The following TTLL7 variants were observed in gnomAD, a reference collection of about 807,000 sequenced individuals.
TTLL7 encodes the protein tubulin polyglutamylase TTLL7.
In TTLL7, 53 loss-of-function variants were observed where a neutral mutation model predicts 120.2. That is an observed-to-expected ratio of 0.44 (90% confidence interval 0.35 to 0.55). The LOEUF is 0.55. Ranked by LOEUF, TTLL7 falls within the 20% of genes least tolerant of loss-of-function variation. TTLL7 has a pLI of 0.00. For synonymous variants in TTLL7, 353 were observed against 351.7 expected (o/e 1.00, Z -0.04); for missense variants, 803 against 1,054.7 (o/e 0.76, Z 3.31).
intron 13 of TTLL7, 59 bp downstream of exon 13, chr1:83,919,640 G>A: frequency 6.8e-7 from 1 of 1,470,296 alleles, no homozygotes; most frequent in Non-Finnish European, 9.1e-7. Context: ...TGGCTTGTCT[G>A]TAAAGACATA....
chr1:83,938,891 A>T (rs966695973), intron 7 of TTLL7, among the ~76,000 whole-genome samples: 3 of 152,118 alleles, frequency 2.0e-5, no homozygotes, highest in African/African-American at 7.2e-5. Context: ...CATTATTATT[A>T]TTTTGATTTG....
chr1:83,945,522 A>G (rs1648402855), intron 6 of TTLL7, among the ~76,000 whole-genome samples: 2 of 152,340 alleles, frequency 1.3e-5, no homozygotes, highest in African/African-American at 2.4e-5. Context: ...GGGTTCTTCA[A>G]TAGTCCACTT....
In TTLL7 at chr1:83,911,341, C is replaced by T. The variant is rs1473097136; in HGVS notation, c.1610G>A (p.Ser537Asn). 1 of 1,612,960 alleles carries T rather than the reference C, an allele frequency of 6.2e-7. No individual in the cohort carries two copies. Among genetic ancestry groups the T allele is most frequent in the Admixed American group, 1.7e-5 (1 of 59,922 alleles). Residue 537 changes from serine to asparagine, a missense_variant, in exon 15 of 21, where the codon AGT (serine) becomes AAT (asparagine). Around this residue, in one of 3 missense-constraint regions of TTLL7, gnomAD observed 388 missense variants for 450.4 expected, o/e 0.86. Coordinates refer to ENST00000260505, the MANE Select transcript of TTLL7 (RefSeq NM_024686.6). Reference sequence around the variant, plus strand: ...CTTTGGTCTTTTCATTATCTCAGTACTCTCAGGCATAGAACACAGAGGCTA... The same window carrying T: ...CTTTGGTCTTTTCATTATCTCAGTATTCTCAGGCATAGAACACAGAGGCTA... Reference protein sequence around the residue: ...GPKPLCSMPESTEIMKRPKYC... With the variant: ...GPKPLCSMPENTEIMKRPKYC...
intron 5 of TTLL7, 153 bp from the exon 6 acceptor site, chr1:83,947,435 T>G: frequency 3.0e-6 from 2 of 669,730 alleles, no homozygotes; most frequent in Non-Finnish European, 4.8e-6. Context: ...AAATGTCTAC[T>G]GAGCACCTAT....
chr1:83,912,773 G>C (rs1409938113), intron 14 of TTLL7, among the ~76,000 whole-genome samples: 5 of 152,148 alleles, frequency 3.3e-5, no homozygotes, highest in African/African-American at 1.2e-4. Flanking sequence ...GTGTTTAAAA[G>C]CATGTGCTCC....
At chr1:83,951,117 A>G (rs1459369049) in intron 3 of TTLL7, among the ~76,000 whole-genome samples, 1 of 152,164 alleles carries the variant, frequency 6.6e-6, no homozygotes, top group African/African-American at 2.4e-5. Context: ...TGGGAGTCCA[A>G]GGTGGGCGGA....
At chr1:83,986,005 T>A (rs1052173684) in intron 1 of TTLL7, among the ~76,000 whole-genome samples, 1 of 152,224 alleles carries the variant, frequency 6.6e-6, no homozygotes, top group South Asian at 2.1e-4. Flanking sequence ...ATTAACACCA[T>A]TTTTAAACAA....
chr1:83,945,470 A>G (rs763104910), intron 6 of TTLL7, among the ~76,000 whole-genome samples: 2 of 152,242 alleles, frequency 1.3e-5, no homozygotes, highest in African/African-American at 4.8e-5. Flanking sequence ...TGAAGCAAAC[A>G]CTGGTAGAAT....
At chr1:83,907,302 G>A in intron 16 of TTLL7, 154 bp downstream of exon 16, 1 of 589,552 alleles carries the variant, frequency 1.7e-6, no homozygotes. Context: ...ATACTAAATT[G>A]TAGGCTAAGG....
At chr1:83,977,294 A>G (rs1254591834) in intron 1 of TTLL7, among the ~76,000 whole-genome samples, 3 of 152,100 alleles carry the variant, frequency 2.0e-5, no homozygotes, top group Non-Finnish European at 2.9e-5. Context: ...AATGAGAATT[A>G]AACTTTGGAG....
At chr1:83,893,066 T>A (rs577047960) in intron 18 of TTLL7, among the ~76,000 whole-genome samples, 1 of 151,008 alleles carries the variant, frequency 6.6e-6, no homozygotes, top group Non-Finnish European at 1.5e-5. Context: ...ACCTGGGAAA[T>A]GGGGAGCCAG....
At chr1:83,959,534 C>A (rs1424686369) in intron 1 of TTLL7, among the ~76,000 whole-genome samples, 2 of 152,184 alleles carry the variant, frequency 1.3e-5, no homozygotes, top group Non-Finnish European at 2.9e-5. Context: ...CTACTGCCAA[C>A]AGCTCTGGTA....
intron 19 of TTLL7, among the ~76,000 whole-genome samples, chr1:83,884,154 G>GAA (rs1654766825): frequency 6.7e-6 from 1 of 149,562 alleles, no homozygotes; most frequent in Non-Finnish European, 1.5e-5. Context: ...GAGAGAGAGA[G>GAA]AGGGAGAGAG....
At chr1:83,873,220 A>G (rs1653602901) in intron 20 of TTLL7, among the ~76,000 whole-genome samples, 1 of 152,216 alleles carries the variant, frequency 6.6e-6, no homozygotes, top group Non-Finnish European at 1.5e-5. Flanking sequence ...TGAACTAAAA[A>G]AAGCATATAA....
chr1:83,906,224 T>G, intron 17 of TTLL7, 105 bp downstream of exon 17: 1 of 953,774 alleles, frequency 1.0e-6, no homozygotes, highest in Non-Finnish European at 1.6e-6. Flanking sequence ...TCAATTAAAT[T>G]TACTATGTCA....
At chr1:83,905,344 A>G (rs1657093240) in intron 17 of TTLL7, among the ~76,000 whole-genome samples, 1 of 151,728 alleles carries the variant, frequency 6.6e-6, no homozygotes, top group African/African-American at 2.4e-5. Context: ...CATAATATAA[A>G]TTCTAGTTAT....
chr1:83,907,733 ATAAAC>A (rs1218960126), intron 15 of TTLL7, 72 bp from the exon 16 acceptor site: 6 of 1,381,572 alleles, frequency 4.3e-6, no homozygotes, highest in Admixed American at 2.0e-5. Flanking sequence ...TGAAGTCTAT[ATAAAC>A]TAAAGATTAT....
intron 1 of TTLL7, among the ~76,000 whole-genome samples, chr1:83,998,185 A>G (rs1326220222): frequency 1.3e-5 from 2 of 152,226 alleles, no homozygotes; most frequent in Non-Finnish European, 2.9e-5. Context: ...GACCTTGAGA[A>G]TGTAATTTAA....
chr1:83,892,861 A>AACGCATATATGAAC (rs1553129350), intron 18 of TTLL7, among the ~76,000 whole-genome samples: 1 of 151,060 alleles, frequency 6.6e-6, no homozygotes, highest in Non-Finnish European at 1.5e-5. Flanking sequence ...TATATATATG[A>AACGCATATATGAAC]ATATATATAA....
Sources: allele counts gnomAD v4.1 joint callset (sites outside exome capture counted in the v4.1 genomes callset), GRCh38; gene constraint gnomAD v4.1.1; regional missense constraint gnomAD v4.1.1; transcripts MANE v1.5; gene names NCBI Gene and HGNC (gene_info 2026-07-23, HGNC 2026-07-21).